Variants in RBMS3 observed in about 807,000 individuals in gnomAD.
The protein encoded by RBMS3 is RNA-binding motif, single-stranded-interacting protein 3.
Under a neutral mutation model 66.8 loss-of-function variants are expected in RBMS3, and 27 were observed. The ratio of observed to expected loss-of-function variants is 0.40; its 90% CI spans 0.30 to 0.56. The LOEUF is 0.56. Among genes scored for constraint, RBMS3 ranks in the 20% least tolerant of loss-of-function variants. The pLI, the probability that RBMS3 is intolerant of heterozygous loss-of-function variation, is 0.40. For synonymous variants in RBMS3, 188 were observed against 183.0 expected (o/e 1.03, Z -0.22); for missense variants, 513 against 549.5 (o/e 0.93, Z 0.66).
chr3:29,495,448 T>G (rs2043710083), intron 3 of RBMS3, among the ~76,000 whole-genome samples: 1 of 145,474 alleles, frequency 6.9e-6, no homozygotes, highest in Non-Finnish European at 1.5e-5. Flanking sequence ...TGAGACATAG[T>G]CTTCTTCTGT....
At chr3:29,639,778 G>A (rs1287933562) in intron 4 of RBMS3, among the ~76,000 whole-genome samples, 1 of 151,748 alleles carries the variant, frequency 6.6e-6, no homozygotes, top group Non-Finnish European at 1.5e-5. Context: ...CATAACCGAA[G>A]AGCAACAGCA....
At chr3:29,805,338 C>G (rs1429544382) in intron 6 of RBMS3, among the ~76,000 whole-genome samples, 1 of 151,982 alleles carries the variant, frequency 6.6e-6, no homozygotes, top group African/African-American at 2.4e-5. Flanking sequence ...TAATAAATGA[C>G]TGCATTAATG....
intron 4 of RBMS3, among the ~76,000 whole-genome samples, chr3:29,737,682 T>C (rs2054442336): frequency 1.3e-5 from 2 of 151,972 alleles, no homozygotes; most frequent in Admixed American, 1.3e-4. Flanking sequence ...AACTGAAATG[T>C]CCCCTTTTTT....
chr3:29,580,547 T>A (rs1208536644), intron 3 of RBMS3, among the ~76,000 whole-genome samples: 1 of 152,046 alleles, frequency 6.6e-6, no homozygotes, highest in Non-Finnish European at 1.5e-5. Context: ...TAAACTCCAC[T>A]GCATTTAAAT....
Position 29,472,551 on chromosome 3 carries a change from G to A in RBMS3, c.249-15890G>A, listed in dbSNP as rs559485207. On this transcript the variant is annotated intron_variant, in intron 2 of 14. Transcript: ENST00000383767. ...CTGTGAGTGTTACAACTCTTAAGGC[G>A]GCGCGTACCTTCTGATGTTCGGATG... Among the ~76,000 whole-genome samples the A allele has an allele frequency of 2.6e-4, 39 of 151,978 alleles. 1 individual carries two copies. The South Asian group carries it at 7.1e-3, about 27-fold the overall frequency.
chr3:29,818,793 TC>T (rs1418653787), intron 6 of RBMS3, among the ~76,000 whole-genome samples: 3 of 152,146 alleles, frequency 2.0e-5, no homozygotes, highest in Non-Finnish European at 2.9e-5. Flanking sequence ...ATAATGTGAC[TC>T]CTTATTTGGC....
At chr3:29,420,142 G>A (rs1199505458) in intron 1 of RBMS3, among the ~76,000 whole-genome samples, 1 of 152,156 alleles carries the variant, frequency 6.6e-6, no homozygotes, top group African/African-American at 2.4e-5. Context: ...GGTGAATAAG[G>A]ACGTTCTCTT....
chr3:29,559,778 G>A (rs1358763996), intron 3 of RBMS3, among the ~76,000 whole-genome samples: 1 of 152,036 alleles, frequency 6.6e-6, no homozygotes, highest in Non-Finnish European at 1.5e-5. Flanking sequence ...ATGAATCATT[G>A]CCTAAAATAC....
At chr3:29,473,913 C>A (rs966507920) in intron 2 of RBMS3, among the ~76,000 whole-genome samples, 6 of 152,232 alleles carry the variant, frequency 3.9e-5, no homozygotes, top group African/African-American at 4.8e-5. Flanking sequence ...GCTGAGGGAG[C>A]CAGCTCTGGC....
At chr3:29,694,987 T>C (rs953345967) in intron 4 of RBMS3, among the ~76,000 whole-genome samples, 19 of 152,326 alleles carry the variant, frequency 1.2e-4, no homozygotes, top group African/African-American at 4.6e-4. Context: ...TATTTATCAC[T>C]GCACTTATAG....
At chr3:29,805,671 C>T (rs887585910) in intron 6 of RBMS3, among the ~76,000 whole-genome samples, 1 of 151,870 alleles carries the variant, frequency 6.6e-6, no homozygotes, top group Non-Finnish European at 1.5e-5. Flanking sequence ...AAATAGAAAA[C>T]CACTTATGGA....
At chr3:29,782,143 C>G (rs532702643) in intron 6 of RBMS3, among the ~76,000 whole-genome samples, 11 of 152,190 alleles carry the variant, frequency 7.2e-5, no homozygotes, top group South Asian at 6.2e-4. Context: ...AACCAGGTGT[C>G]CCTAGGGCAA....
intron 6 of RBMS3, among the ~76,000 whole-genome samples, chr3:29,840,931 T>G (rs527806608): frequency 6.6e-6 from 1 of 152,080 alleles, no homozygotes; most frequent in South Asian, 2.1e-4. Context: ...TGTATTGACC[T>G]CCTAAGAAAA....
At chr3:29,494,890 C>T (rs368645242) in intron 3 of RBMS3, among the ~76,000 whole-genome samples, 14 of 147,906 alleles carry the variant, frequency 9.5e-5, no homozygotes, top group African/African-American at 3.4e-4. Context: ...TGCCTATTAA[C>T]CATAGGATAT....
chr3:29,459,337 T>A (rs976721176), intron 2 of RBMS3, among the ~76,000 whole-genome samples: 1 of 152,232 alleles, frequency 6.6e-6, no homozygotes, highest in African/African-American at 2.4e-5. Flanking sequence ...AGTCTCATCA[T>A]GTAGAGCTTG....
At chr3:29,739,272 C>G (rs148489573) in intron 4 of RBMS3, among the ~76,000 whole-genome samples, 1 of 151,902 alleles carries the variant, frequency 6.6e-6, no homozygotes, top group Non-Finnish European at 1.5e-5. Context: ...CTGGCTAACA[C>G]GGTGAAACCC....
intron 4 of RBMS3, among the ~76,000 whole-genome samples, chr3:29,637,546 T>C (rs189386700): frequency 6.6e-6 from 1 of 152,030 alleles, no homozygotes; most frequent in Admixed American, 6.6e-5. Flanking sequence ...AAGTTTCTTA[T>C]CTTGGAGATT....
rs1392346268 is a variant in RBMS3, at chr3:29,281,693, C to A, written c.12C>A (p.Arg4=). ...AAGATTCCAGCTACATGGGCAAACG[C>A]CTGGATCAGCCACAAATGTACCCCC... The part of the protein sequence containing the change: MGK[R]LDQPQMYPQY... The change falls in exon 1 of 15, where the codon CGC becomes CGA. Residue 4 remains arginine (R), a synonymous_variant. Coordinates refer to ENST00000383767, the MANE Select transcript of RBMS3 (RefSeq NM_001003793.3). The A allele has an allele frequency of 1.9e-6, 3 of 1,613,522 alleles. No individual in the cohort carries two copies. The East Asian group carries it at 6.7e-5, about 36-fold the overall frequency.
At chr3:29,399,237 A>G (rs1030342860) in intron 1 of RBMS3, among the ~76,000 whole-genome samples, 3 of 151,328 alleles carry the variant, frequency 2.0e-5, no homozygotes, top group African/African-American at 7.3e-5. Context: ...ATATATAAGC[A>G]AATATGCATA....
Sources: gnomAD v4.1 joint callset for allele counts (sites outside exome capture counted in the v4.1 genomes callset) on GRCh38, gnomAD v4.1.1 for gene constraint, MANE v1.5 for transcripts, NCBI Gene and HGNC (gene_info 2026-07-23, HGNC 2026-07-21) for gene names.